LRP1B: variants seen among roughly 807,000 people sequenced by gnomAD.
LRP1B encodes the protein LDL receptor related protein 1B.
LRP1B carries 217 observed loss-of-function variants against 556.6 expected under a neutral mutation model. The ratio of observed to expected loss-of-function variants is 0.39; its 90% confidence interval spans 0.35 to 0.44. The LOEUF (loss-of-function observed/expected upper bound fraction) is 0.44. Ranked by LOEUF, LRP1B falls within the 20% of genes least tolerant of loss-of-function variation. LRP1B has a pLI of 1.00. For synonymous variants in LRP1B, 2,047 were observed against 1,865.8 expected (o/e 1.10, Z -2.50); for missense variants, 5,053 against 5,620.8 (o/e 0.90, Z 3.23).
At chr2:141,769,009 A>T (rs1694817936) in intron 2 of LRP1B, among the ~76,000 whole-genome samples, 1 of 152,064 alleles carries the variant, frequency 6.6e-6, no homozygotes, top group Non-Finnish European at 1.5e-5. Context: ...TATTATTCCC[A>T]TTTTGCAGAT....
At chr2:140,972,968 T>C (rs1430521498) in intron 18 of LRP1B, among the ~76,000 whole-genome samples, 4 of 147,784 alleles carry the variant, frequency 2.7e-5, no homozygotes, top group Admixed American at 6.8e-5. Flanking sequence ...ATACATATAA[T>C]ACATATATGT....
intron 2 of LRP1B, among the ~76,000 whole-genome samples, chr2:141,580,593 C>T (rs1050647936): frequency 6.6e-6 from 1 of 152,192 alleles, no homozygotes; most frequent in Non-Finnish European, 1.5e-5. Flanking sequence ...ATGGTGCCAA[C>T]ATATCCTTAG....
chr2:140,459,207 A>G (rs1172903486), intron 60 of LRP1B, among the ~76,000 whole-genome samples: 2 of 152,146 alleles, frequency 1.3e-5, no homozygotes, highest in African/African-American at 4.8e-5. Flanking sequence ...ATTTATATAA[A>G]CTATTCCCAC....
Position 141,992,265 on chromosome 2 carries a change from G to A in LRP1B, c.82+138383C>T, listed in dbSNP as rs1266461502. 3.9e-5 allele frequency among the ~76,000 whole-genome samples: 6 copies of A among 152,104 alleles called. No individual in the cohort carries two copies. The East Asian group carries it at 9.6e-4, about 24-fold the overall frequency. The stretch of plus-strand genomic sequence containing the variant: ...CTACGCATTTCTTTTAATAGATTTA[G>A]CCTCTCATAATGGATGATTTTAAGG... On this transcript the variant is annotated intron_variant, in intron 1 of 90. Transcript: ENST00000389484.
At chr2:141,273,316 A>C (rs547194548) in intron 3 of LRP1B, among the ~76,000 whole-genome samples, 13 of 152,258 alleles carry the variant, frequency 8.5e-5, no homozygotes, top group African/African-American at 2.9e-4. Context: ...CTCAAAAAAA[A>C]AAAGGAAGAA....
At chr2:141,390,479 A>G (rs76199598) in intron 3 of LRP1B, among the ~76,000 whole-genome samples, 8,837 of 152,316 alleles carry the variant, frequency 0.058, 312 homozygotes, top group Middle Eastern at 0.12. Flanking sequence ...TACTCAAACA[A>G]ATACAATTAC....
At chr2:141,100,631 C>G (rs1700437569) in intron 7 of LRP1B, among the ~76,000 whole-genome samples, 1 of 152,116 alleles carries the variant, frequency 6.6e-6, no homozygotes, top group Non-Finnish European at 1.5e-5. Flanking sequence ...TGTGGGGTAC[C>G]TAGAAGAAAG....
At chr2:141,072,874 T>C (rs1345926348) in intron 7 of LRP1B, among the ~76,000 whole-genome samples, 1 of 152,054 alleles carries the variant, frequency 6.6e-6, no homozygotes, top group Non-Finnish European at 1.5e-5. Context: ...TTTCCTCTCC[T>C]CTTGTAAGAC....
At chr2:140,930,727 T>G (rs1039127933) in intron 20 of LRP1B, among the ~76,000 whole-genome samples, 1 of 152,142 alleles carries the variant, frequency 6.6e-6, no homozygotes, top group African/African-American at 2.4e-5. Context: ...TAAAAAGCAC[T>G]GTATATTGGA....
At chr2:140,456,798 A>G (rs16843993) in intron 61 of LRP1B, among the ~76,000 whole-genome samples, 195 bp from the exon 62 acceptor site, 2,484 of 152,280 alleles carry the variant, frequency 0.016, 67 homozygotes, top group African/African-American at 0.056. Flanking sequence ...CATTAATTCT[A>G]CCATTCAATA....
intron 2 of LRP1B, among the ~76,000 whole-genome samples, chr2:141,537,416 G>C (rs1392582361): frequency 6.6e-6 from 1 of 151,926 alleles, no homozygotes; most frequent in Non-Finnish European, 1.5e-5. Flanking sequence ...GATTTTATTG[G>C]CTTTTGATCC....
chr2:141,736,378 T>TTA (rs1472014189), intron 2 of LRP1B, among the ~76,000 whole-genome samples: 1 of 152,142 alleles, frequency 6.6e-6, no homozygotes, highest in Non-Finnish European at 1.5e-5. Flanking sequence ...GCAGATGTAA[T>TTA]TAAGATGAGG....
intron 41 of LRP1B, among the ~76,000 whole-genome samples, chr2:140,664,622 T>C (rs955466504): frequency 1.3e-5 from 2 of 152,018 alleles, no homozygotes; most frequent in Non-Finnish European, 2.9e-5. Context: ...CTTATCAAAA[T>C]AAAAAATATT....
intron 84 of LRP1B, among the ~76,000 whole-genome samples, chr2:140,280,487 T>C (rs1682870824): frequency 6.6e-6 from 1 of 151,672 alleles, no homozygotes; most frequent in African/African-American, 2.4e-5. Flanking sequence ...GTAATTTGGC[T>C]ATAAATATAA....
chr2:141,526,805 A>C (rs543696396), intron 2 of LRP1B, among the ~76,000 whole-genome samples: 4 of 152,176 alleles, frequency 2.6e-5, no homozygotes, highest in African/African-American at 9.6e-5. Flanking sequence ...GCTAGTCTCT[A>C]TTTTTCCTGT....
chr2:141,086,636 GTGT>G (rs1700054094), intron 7 of LRP1B, among the ~76,000 whole-genome samples: 4 of 151,826 alleles, frequency 2.6e-5, no homozygotes, highest in African/African-American at 9.7e-5. Context: ...GTGTGTGTGT[GTGT>G]GTGTGTGTGT....
chr2:141,398,984 A>G (rs1485811302), intron 3 of LRP1B, among the ~76,000 whole-genome samples: 1 of 152,184 alleles, frequency 6.6e-6, no homozygotes, highest in Non-Finnish European at 1.5e-5. Context: ...GACTGGGCGC[A>G]GTGGCTTATG....
chr2:140,380,777 A>G (rs111347347), intron 67 of LRP1B, among the ~76,000 whole-genome samples: 1,728 of 152,304 alleles, frequency 0.011, 38 homozygotes, highest in African/African-American at 0.039. Flanking sequence ...TTTGCTATAC[A>G]AAGGGTTGAA....
At chr2:140,272,491 A>G (rs1002306259) in intron 85 of LRP1B, among the ~76,000 whole-genome samples, 1 of 151,984 alleles carries the variant, frequency 6.6e-6, no homozygotes, top group African/African-American at 2.4e-5. Context: ...GATTATACTC[A>G]CTGTACTTGA....
Sources: gnomAD v4.1 joint callset for allele counts (sites outside exome capture counted in the v4.1 genomes callset) on GRCh38, gnomAD v4.1.1 for gene constraint, MANE v1.5 for transcripts, NCBI Gene and HGNC (gene_info 2026-07-23, HGNC 2026-07-21) for gene names.